Variants in IMPACT observed in about 807,000 individuals in gnomAD.
IMPACT encodes the protein impact RWD domain protein.
A neutral mutation model predicts 47.5 loss-of-function variants in IMPACT; 35 were observed. The ratio of observed to expected loss-of-function variants is 0.74; its 90% CI spans 0.56 to 0.98. IMPACT has a LOEUF of 0.98. IMPACT is among the 50% of genes least tolerant of loss of function. IMPACT has a pLI of 0.00. For synonymous variants in IMPACT, 118 were observed against 125.6 expected, an observed-to-expected ratio of 0.94 and a Z score of 0.40; for missense variants, 373 against 394.8, an observed-to-expected ratio of 0.94 and a Z score of 0.47.
At chr18:24,430,421 G>C in intron 4 of IMPACT, 37 bp downstream of exon 4, 2 of 1,467,150 alleles carry the variant, frequency 1.4e-6, no homozygotes. Context: ...AATTCTGTTA[G>C]TGATTGTATT....
chr18:24,427,354 ATTTTTC>A (rs1908637744), intron 1 of IMPACT: 2 of 153,082 alleles, frequency 1.3e-5, no homozygotes, highest in Admixed American at 1.3e-4. Context: ...TCCTCCAGTT[ATTTTTC>A]TTTTTTAACC....
chr18:24,437,994 G>GA lies in IMPACT; in HGVS notation c.325dup (p.Ile109AsnfsTer23). On this transcript the variant is annotated frameshift_variant, in exon 5 of 11. Coordinates refer to ENST00000284202, the MANE Select transcript of IMPACT (RefSeq NM_018439.4). LOFTEE classifies it high-confidence loss of function. ...AAAGTATTCTTTACCTGTGGGTGGA[G>GA]AAAATAAGAGATGTTCTTATACAAA... 6.3e-7 allele frequency: 1 copy of GA among 1,583,556 alleles called. No homozygotes were observed. Among genetic ancestry groups the GA allele is most frequent in the Non-Finnish European group, 8.6e-7 (1 of 1,160,306 alleles).
intron 1 of IMPACT, 81 bp from the exon 2 acceptor site, chr18:24,427,832 GTTGAAT>G (rs1216230451): frequency 1.7e-5 from 23 of 1,327,642 alleles, no homozygotes; most frequent in Non-Finnish European, 2.3e-5. Flanking sequence ...CTCTGGTAAT[GTTGAAT>G]TTGAATACCT....
Position 24,429,783 on chromosome 18 carries a change from T to C in IMPACT, c.219-539T>C, listed in dbSNP as rs562192454. On this transcript the variant is annotated intron_variant, in intron 3 of 10. Transcript: ENST00000284202. ...TAAACATAAATGTCCTTTTAAGAAA[T>C]TTTTTTTTTTTTTTGAGACAGAGTC... Among the ~76,000 whole-genome samples, 1,107 of 110,966 alleles carry C rather than the reference T, an allele frequency of 1.0e-2. 11 individuals carry two copies. The highest frequency in any genetic ancestry group is 0.067 in the Middle Eastern group (14 of 208). The allele number at this position is 110,966 out of a possible 152,430, so 72.8% of individuals were successfully genotyped here. A position where few individuals can be genotyped will look rare whatever the true frequency, so the allele number is the denominator to read the frequency against.
intron 6 of IMPACT, 89 bp from the exon 7 acceptor site, chr18:24,442,960 A>G (rs964408065): frequency 1.3e-5 from 8 of 639,208 alleles, no homozygotes; most frequent in Non-Finnish European, 2.2e-5. Flanking sequence ...TGTAATTTAC[A>G]TTTCTTTCCC....
At chr18:24,444,596 C>T (rs182920355) in intron 7 of IMPACT, among the ~76,000 whole-genome samples, 2 of 152,322 alleles carry the variant, frequency 1.3e-5, no homozygotes, top group South Asian at 2.1e-4. Context: ...ATGGCCCTAG[C>T]TTATCATTCA....
rs192655737 is a variant in IMPACT at position 24,445,568 on chromosome 18, G to A, written c.668+102G>A. Reference sequence around the variant, plus strand: ...ATAACTATTGTGTATTTTTTCCATTGTAATAGTAATAGACATGGAATATTT... The same window carrying A: ...ATAACTATTGTGTATTTTTTCCATTATAATAGTAATAGACATGGAATATTT... On this transcript the variant is annotated intron_variant, in intron 8 of 10. Transcript: ENST00000284202. 23 of 588,412 alleles carry A rather than the reference G, an allele frequency of 3.9e-5. No individual in the cohort carries two copies. In the Admixed American group the frequency reaches 5.2e-4, roughly 13 times the overall value. The allele number at this position is 588,412 out of a possible 1,614,324, so 36.4% of individuals were successfully genotyped here. A position where few individuals can be genotyped will look rare whatever the true frequency, so the allele number is the denominator to read the frequency against.
intron 5 of IMPACT, 36 bp from the exon 6 acceptor site, chr18:24,440,460 T>A: frequency 1.3e-6 from 2 of 1,599,910 alleles, no homozygotes; most frequent in South Asian, 2.3e-5. Flanking sequence ...GTTTCTTACC[T>A]GCGTCATAAA....
intron 5 of IMPACT, among the ~76,000 whole-genome samples, chr18:24,440,033 C>A (rs1568087906): frequency 6.6e-6 from 1 of 152,096 alleles, no homozygotes; most frequent in Non-Finnish European, 1.5e-5. Context: ...TGATGATTTT[C>A]TATTTTCTTC....
At chr18:24,435,156 G>A (rs1908892714) in intron 4 of IMPACT, among the ~76,000 whole-genome samples, 1 of 151,850 alleles carries the variant, frequency 6.6e-6, no homozygotes, top group Non-Finnish European at 1.5e-5. Context: ...TTTTTGTAAA[G>A]AAGGGGTCTT....
At position 24,452,280 on chromosome 18, in the gene IMPACT, T is replaced by G. The variant is rs1477084521; in HGVS notation, c.*1433T>G. 6.6e-6 allele frequency: 1 copy of G among 152,206 alleles called. No individual in the cohort carries two copies. Among genetic ancestry groups the G allele is most frequent in the African/African-American group, 2.4e-5 (1 of 41,448 alleles). The allele number at this position is 152,206 out of a possible 1,614,324, so 9.4% of individuals were successfully genotyped here. A position where few individuals can be genotyped will look rare whatever the true frequency, so the allele number is the denominator to read the frequency against. On this transcript the variant is annotated 3_prime_UTR_variant, in exon 11 of 11. Coordinates refer to ENST00000284202, the MANE Select transcript of IMPACT (RefSeq NM_018439.4). Reference sequence around the variant, plus strand: ...TCTGAAATATAAATTCTAAATTATATTTGTTATAACTATATTTTATGTTGT... The same window carrying G: ...TCTGAAATATAAATTCTAAATTATAGTTGTTATAACTATATTTTATGTTGT...
intron 6 of IMPACT, among the ~76,000 whole-genome samples, chr18:24,441,870 G>T (rs577225031): frequency 6.6e-6 from 1 of 152,004 alleles, no homozygotes; most frequent in Non-Finnish European, 1.5e-5. Context: ...TTGAAAACAG[G>T]ATCTACCATG....
At chr18:24,428,693 ATAT>A (rs1420615541) in intron 2 of IMPACT, among the ~76,000 whole-genome samples, 173 bp from the exon 3 acceptor site, 9 of 152,222 alleles carry the variant, frequency 5.9e-5, no homozygotes, top group Non-Finnish European at 1.3e-4. Context: ...TACCCAGAAA[ATAT>A]TATAATGCCA....
chr18:24,428,898 A>G lies in IMPACT; in HGVS notation c.195A>G (p.Thr65=), dbSNP rs759832315. Residue 65 remains threonine (T), a synonymous_variant, in exon 3 of 11, where the codon ACA becomes ACG. Coordinates refer to ENST00000284202, the MANE Select transcript of IMPACT (RefSeq NM_018439.4). ...TGCTGCCGAATGAATACCCAGGTAC[A>G]GCTCCACCTATCTACCAGTTGAAGT... ...QVMLPNEYPG[T]APPIYQLNAP... is the part of the protein sequence containing the mutation. 4 of 1,611,692 alleles carry G rather than the reference A, an allele frequency of 2.5e-6. No homozygotes were observed. Among genetic ancestry groups the G allele is most frequent in the Non-Finnish European group, 2.5e-6 (3 of 1,178,558 alleles).
In IMPACT at chr18:24,450,956, A is replaced by T. The variant is rs987659146; in HGVS notation, c.*109A>T. ...GTATCCTTGACTGCTTAAGTCAGCC[A>T]GTTCAGCATGGATACCAACATTAGC... On this transcript the variant is annotated 3_prime_UTR_variant, in exon 11 of 11. Coordinates refer to ENST00000284202, the MANE Select transcript of IMPACT (RefSeq NM_018439.4). 1.9e-5 allele frequency: 11 copies of T among 585,340 alleles called. No homozygotes were observed. The highest frequency in any genetic ancestry group is 3.3e-5 in the Non-Finnish European group (11 of 336,816). The allele number at this position is 585,340 out of a possible 1,614,324, so 36.3% of individuals were successfully genotyped here.
At chr18:24,434,521 C>T (rs1252214103) in intron 4 of IMPACT, among the ~76,000 whole-genome samples, 2 of 151,838 alleles carry the variant, frequency 1.3e-5, no homozygotes, top group South Asian at 4.2e-4. Flanking sequence ...GCCTGTAATC[C>T]CAGCACTTTG....
At chr18:24,442,986 T>G (rs908717503) in intron 6 of IMPACT, 63 bp from the exon 7 acceptor site, 23 of 819,228 alleles carry the variant, frequency 2.8e-5, no homozygotes, top group Non-Finnish European at 4.6e-5. Flanking sequence ...CCCCCCCATT[T>G]CATTTTTTTC....
intron 8 of IMPACT, among the ~76,000 whole-genome samples, chr18:24,445,869 T>G (rs1216781951): frequency 6.6e-6 from 1 of 152,146 alleles, no homozygotes; most frequent in African/African-American, 2.4e-5. Flanking sequence ...GTTTTTCATG[T>G]TTTTCACCAT....
At position 24,448,125 on chromosome 18, in the gene IMPACT, A is replaced by G. The variant is rs1336140716; in HGVS notation, c.701A>G (p.Gln234Arg). 2.5e-6 allele frequency: 4 copies of G among 1,613,174 alleles called. No individual in the cohort carries two copies. In the Admixed American group the frequency reaches 6.7e-5, roughly 27 times the overall value. The change falls in exon 9 of 11, where the codon CAG becomes CGG. Residue 234 changes from glutamine to arginine, a missense_variant. By Grantham distance (43) the Gln-to-Arg change is conservative. Coordinates refer to ENST00000284202, the MANE Select transcript of IMPACT (RefSeq NM_018439.4). ...IYCEDKQTFL[Q>R]DCEDDGETAA... ...TGTGAGGATAAACAGACCTTCTTAC[A>G]GGATTGTGAGGATGATGGGGAAACA...
Sources: allele counts gnomAD v4.1 joint callset (sites outside exome capture counted in the v4.1 genomes callset), GRCh38; gene constraint gnomAD v4.1.1; transcripts MANE v1.5; gene names NCBI Gene and HGNC (gene_info 2026-07-23, HGNC 2026-07-21).